Variants in ENPP2 observed in about 807,000 individuals in gnomAD.
ENPP2 encodes ectonucleotide pyrophosphatase/phosphodiesterase 2, also known as autotaxin.
A neutral mutation model predicts 120.2 loss-of-function variants in ENPP2; 51 were observed. The ratio of observed to expected loss-of-function variants is 0.42; its 90% CI spans 0.34 to 0.54. The LOEUF (loss-of-function observed/expected upper bound fraction) is 0.54, where lower values mean the gene tolerates loss of function less well. Ranked by LOEUF, ENPP2 falls within the 20% of genes least tolerant of loss-of-function variation. The pLI is 0.04. For synonymous variants in ENPP2, 365 were observed against 366.4 expected, an observed-to-expected ratio of 1.00 and a Z score of 0.04; for missense variants, 920 against 1,066.5, an observed-to-expected ratio of 0.86 and a Z score of 1.91.
At chr8:119,629,885 A>G (rs1424533776) in intron 2 of ENPP2, among the ~76,000 whole-genome samples, 1 of 152,228 alleles carries the variant, frequency 6.6e-6, no homozygotes, top group East Asian at 1.9e-4. Context: ...TTCCTTAAGG[A>G]TACTGCTTAG....
intron 7 of ENPP2, 66 bp downstream of exon 7, chr8:119,617,098 C>T: frequency 9.9e-7 from 1 of 1,009,664 alleles, no homozygotes; most frequent in Middle Eastern, 2.1e-4. Flanking sequence ...AGTAAAGTCT[C>T]TCCTTTAAAG....
intron 2 of ENPP2, among the ~76,000 whole-genome samples, chr8:119,631,527 A>G (rs1193741686): frequency 6.6e-6 from 1 of 152,128 alleles, no homozygotes; most frequent in African/African-American, 2.4e-5. Flanking sequence ...ATCTCTTTTA[A>G]ATAAAATACA....
chr8:119,610,911 A>T (rs1344409887), intron 8 of ENPP2, among the ~76,000 whole-genome samples: 6 of 152,016 alleles, frequency 3.9e-5, no homozygotes, highest in Non-Finnish European at 5.9e-5. Context: ...TTTAAAAAAA[A>T]AAAAAAAAAT....
chr8:119,669,252 A>G (rs1203668726), intron 1 of ENPP2, among the ~76,000 whole-genome samples: 1 of 152,242 alleles, frequency 6.6e-6, no homozygotes, highest in Non-Finnish European at 1.5e-5. Context: ...AATCCAGCCC[A>G]TATGCACTTT....
chr8:119,588,325 C>T (rs565969169), intron 13 of ENPP2, among the ~76,000 whole-genome samples: 5 of 151,974 alleles, frequency 3.3e-5, no homozygotes, highest in Admixed American at 6.6e-5. Context: ...TTCAGGAGAT[C>T]GAGACCATCC....
At chr8:119,586,392 G>A (rs1813114558) in intron 14 of ENPP2, 79 bp from the exon 15 acceptor site, 1 of 1,408,710 alleles carries the variant, frequency 7.1e-7, no homozygotes, top group Non-Finnish European at 1.0e-6. Context: ...CTAGAAAGCT[G>A]AAGGAGATTT....
chr8:119,627,865 AAT>A (rs59289320), intron 2 of ENPP2, among the ~76,000 whole-genome samples: 52,878 of 143,286 alleles, frequency 0.37, 9,758 homozygotes, highest in East Asian at 0.53. Flanking sequence ...CCGTCTTAAA[AAT>A]ATATATATAT....
At chr8:119,606,342 C>T (rs1463565990) in intron 9 of ENPP2, among the ~76,000 whole-genome samples, 7 of 152,144 alleles carry the variant, frequency 4.6e-5, no homozygotes, top group Non-Finnish European at 1.0e-4. Context: ...AAAACCAGAA[C>T]ACTGGGCCTT....
chr8:119,647,296 G>C (rs754876090), intron 1 of ENPP2, among the ~76,000 whole-genome samples: 1 of 151,790 alleles, frequency 6.6e-6, no homozygotes, highest in African/African-American at 2.4e-5. Flanking sequence ...CGCCCAGCCC[G>C]TCTGCAACCT....
At chr8:119,625,143 A>G (rs1816182509) in intron 3 of ENPP2, among the ~76,000 whole-genome samples, 1 of 152,210 alleles carries the variant, frequency 6.6e-6, no homozygotes, top group African/African-American at 2.4e-5. Context: ...AGGAGGAAAC[A>G]TAAAACATTA....
At chr8:119,567,458 T>C (rs1814566182) in intron 22 of ENPP2, among the ~76,000 whole-genome samples, 1 of 152,230 alleles carries the variant, frequency 6.6e-6, no homozygotes. Context: ...ACACAGCCTG[T>C]GGTCACACTC....
chr8:119,583,377 C>T (rs999248465), intron 17 of ENPP2, among the ~76,000 whole-genome samples: 3 of 152,164 alleles, frequency 2.0e-5, no homozygotes, highest in African/African-American at 7.2e-5. Context: ...AACTGGGCTG[C>T]AATGCAAGAG....
chr8:119,614,860 A>G (rs971038221), intron 8 of ENPP2, among the ~76,000 whole-genome samples: 1 of 152,174 alleles, frequency 6.6e-6, no homozygotes, highest in African/African-American at 2.4e-5. Flanking sequence ...CACTATGATC[A>G]CACCCTAGGC....
At chr8:119,579,937 G>A (rs1812612896) in intron 19 of ENPP2, among the ~76,000 whole-genome samples, 179 bp downstream of exon 19, 1 of 152,070 alleles carries the variant, frequency 6.6e-6, no homozygotes. Context: ...TTACACAGCT[G>A]GCATCTTGTG....
intron 22 of ENPP2, among the ~76,000 whole-genome samples, 159 bp from the exon 23 acceptor site, chr8:119,565,114 C>G (rs1211339267): frequency 6.6e-6 from 1 of 152,026 alleles, no homozygotes; most frequent in Admixed American, 6.6e-5. Context: ...ATGGCATTAC[C>G]AGTGTGTGTG....
chr8:119,637,677 C>G (rs553570820), intron 2 of ENPP2, among the ~76,000 whole-genome samples: 1 of 152,174 alleles, frequency 6.6e-6, no homozygotes, highest in Non-Finnish European at 1.5e-5. Flanking sequence ...CCATCAGCAG[C>G]TCCAATTTCC....
intron 11 of ENPP2, among the ~76,000 whole-genome samples, chr8:119,597,587 C>T (rs906406338): frequency 3.9e-5 from 6 of 152,168 alleles, no homozygotes; most frequent in African/African-American, 1.4e-4. Flanking sequence ...GTGCAAATTT[C>T]CCTGCATTTC....
chr8:119,557,718 A>T, intron 24 of ENPP2, 27 bp from the exon 25 acceptor site: 1 of 1,518,648 alleles, frequency 6.6e-7, no homozygotes, highest in Admixed American at 2.3e-5. Context: ...ACAAAATCAG[A>T]ATCAGAATTT....
chr8:119,645,457 T>C (rs1587565661), intron 1 of ENPP2, among the ~76,000 whole-genome samples: 2 of 152,344 alleles, frequency 1.3e-5, no homozygotes, highest in Middle Eastern at 3.4e-3. Flanking sequence ...GTGCTGTTAG[T>C]TCCTAAATTT....
Sources: allele counts gnomAD v4.1 joint callset (sites outside exome capture counted in the v4.1 genomes callset), GRCh38; gene constraint gnomAD v4.1.1; transcripts MANE v1.5; gene names NCBI Gene and HGNC (gene_info 2026-07-23, HGNC 2026-07-21).